The following PTBP3 variants were observed in gnomAD, a reference collection of about 807,000 sequenced individuals.
PTBP3 encodes the protein polypyrimidine tract-binding protein 3.
A neutral mutation model predicts 58.7 loss-of-function variants in PTBP3; 20 were observed. The ratio of observed to expected loss-of-function variants is 0.34; its 90% CI spans 0.24 to 0.50. The LOEUF (loss-of-function observed/expected upper bound fraction) is 0.50. PTBP3 is among the 20% of genes least tolerant of loss of function. The probability of loss-of-function intolerance (pLI) is 0.98; values close to 1 mark genes in which losing one functional copy is unlikely to be tolerated. For missense variants in PTBP3, 509 were observed against 637.2 expected, an observed-to-expected ratio of 0.80 and a Z score of 2.17; for synonymous variants, 185 against 219.8, an observed-to-expected ratio of 0.84 and a Z score of 1.40.
At chr9:112,325,780 T>TCG (rs1305950271) in intron 1 of PTBP3, among the ~76,000 whole-genome samples, 2 of 152,010 alleles carry the variant, frequency 1.3e-5, no homozygotes, top group Non-Finnish European at 2.9e-5. Context: ...CCCCAGTACT[T>TCG]CGGGTGGCCG....
At chr9:112,245,988 AT>A (rs369101910) in intron 7 of PTBP3, among the ~76,000 whole-genome samples, 1,775 of 146,272 alleles carry the variant, frequency 0.012, 32 homozygotes, top group African/African-American at 0.039. Context: ...CAAGAAAAAC[AT>A]TTTTTTTTTT....
chr9:112,355,507 C>T, the PTBP3 span, among the ~76,000 whole-genome samples: 4 of 152,112 alleles, frequency 2.6e-5, no homozygotes, highest in African/African-American at 7.2e-5. Flanking sequence ...GGTTTCAGGG[C>T]TGATATGACA....
At chr9:112,218,272 TTG>T (rs1834689310), downstream of PTBP3, 1 of 152,244 alleles carries the variant, frequency 6.6e-6, no homozygotes, top group Admixed American at 6.5e-5. Flanking sequence ...TTAATAGATT[TTG>T]TGTTTTTCCC....
chr9:112,312,868 A>G (rs1829548724), intron 1 of PTBP3, among the ~76,000 whole-genome samples: 1 of 151,850 alleles, frequency 6.6e-6, no homozygotes, highest in Non-Finnish European at 1.5e-5. Flanking sequence ...ACATGGCGAA[A>G]CCCTGTTTCT....
At chr9:112,323,390 G>C (rs1830028815) in intron 1 of PTBP3, among the ~76,000 whole-genome samples, 1 of 152,132 alleles carries the variant, frequency 6.6e-6, no homozygotes, top group Non-Finnish European at 1.5e-5. Context: ...ATTTCCTTCT[G>C]TCTCCTTGCC....
intron 4 of PTBP3, among the ~76,000 whole-genome samples, chr9:112,264,040 G>A (rs10122852): frequency 6.6e-6 from 1 of 151,802 alleles, no homozygotes; most frequent in Non-Finnish European, 1.5e-5. Flanking sequence ...TCCTATTATG[G>A]GAAATAATTT....
the PTBP3 span, among the ~76,000 whole-genome samples, chr9:112,356,789 CGT>C: frequency 1.0e-3 from 40 of 39,694 alleles, no homozygotes; most frequent in African/African-American, 3.9e-3. Context: ...GAGACAATTG[CGT>C]GTGCGCACAC....
At chr9:112,288,383 T>C (rs796165033) in intron 2 of PTBP3, among the ~76,000 whole-genome samples, 36 of 152,320 alleles carry the variant, frequency 2.4e-4, no homozygotes, top group African/African-American at 7.7e-4. Context: ...AAAGGTATTA[T>C]TTCTGAAGCA....
intron 2 of PTBP3, among the ~76,000 whole-genome samples, chr9:112,295,208 C>T (rs1267434368): frequency 6.7e-6 from 1 of 150,210 alleles, no homozygotes; most frequent in Non-Finnish European, 1.5e-5. Context: ...CACTGCACTC[C>T]AGCCTGGGCG....
At chr9:112,345,990 G>A in the PTBP3 span, among the ~76,000 whole-genome samples, 1 of 151,858 alleles carries the variant, frequency 6.6e-6, no homozygotes, top group Non-Finnish European at 1.5e-5. Context: ...CAAGTAGCTG[G>A]GAGTATAGGT....
At chr9:112,347,032 T>C in the PTBP3 span, among the ~76,000 whole-genome samples, 1 of 152,204 alleles carries the variant, frequency 6.6e-6, no homozygotes, top group Non-Finnish European at 1.5e-5. Flanking sequence ...CCTAGATGTA[T>C]ATAACCTAGA....
At chr9:112,362,709 C>G in the PTBP3 span, 3 of 177,890 alleles carry the variant, frequency 1.7e-5, no homozygotes, top group African/African-American at 7.1e-5. Flanking sequence ...CTCTTACTCA[C>G]CATCATGGCC....
At chr9:112,351,897 G>A in the PTBP3 span, among the ~76,000 whole-genome samples, 3 of 151,120 alleles carry the variant, frequency 2.0e-5, no homozygotes, top group Non-Finnish European at 2.9e-5. Context: ...GGCTCATCAT[G>A]TACATTTACT....
intron 6 of PTBP3, among the ~76,000 whole-genome samples, chr9:112,251,558 T>A (rs995036576): frequency 6.6e-6 from 1 of 152,174 alleles, no homozygotes; most frequent in Non-Finnish European, 1.5e-5. Context: ...ATGGTACTTG[T>A]CAGAGCCACA....
intron 1 of PTBP3, among the ~76,000 whole-genome samples, chr9:112,299,049 A>T (rs1449554407): frequency 6.6e-6 from 1 of 152,220 alleles, no homozygotes; most frequent in Non-Finnish European, 1.5e-5. Flanking sequence ...ATCAGGCTAC[A>T]TATGATAATT....
chr9:112,237,794 A>G (rs1449577579), intron 7 of PTBP3, among the ~76,000 whole-genome samples: 2 of 152,120 alleles, frequency 1.3e-5, no homozygotes, highest in Non-Finnish European at 2.9e-5. Flanking sequence ...AACCTACCCT[A>G]TCTACTATTC....
At chr9:112,335,266 T>G (rs546833401), upstream of PTBP3, among the ~76,000 whole-genome samples, 1 of 143,438 alleles carries the variant, frequency 7.0e-6, no homozygotes, top group Non-Finnish European at 1.6e-5. Context: ...TTACTTTTTT[T>G]TGTTGTTTGT....
chr9:112,325,571 A>G (rs1313399542), intron 1 of PTBP3, among the ~76,000 whole-genome samples: 1 of 147,256 alleles, frequency 6.8e-6, no homozygotes, highest in Non-Finnish European at 1.5e-5. Context: ...CCTGCATTAT[A>G]TTCACATAGT....
chr9:112,255,714 T>A (rs1340342630), intron 5 of PTBP3, among the ~76,000 whole-genome samples: 1 of 152,202 alleles, frequency 6.6e-6, no homozygotes, highest in Non-Finnish European at 1.5e-5. Flanking sequence ...TGTATAACAC[T>A]ACTCTATTTA....
Sources: gnomAD v4.1 joint callset for allele counts (sites outside exome capture counted in the v4.1 genomes callset) on GRCh38, gnomAD v4.1.1 for gene constraint, MANE v1.5 for transcripts, NCBI Gene and HGNC (gene_info 2026-07-23, HGNC 2026-07-21) for gene names.